TACC2: variants seen among roughly 807,000 people sequenced by gnomAD.
The protein encoded by TACC2 is transforming acidic coiled-coil containing protein 2.
A neutral mutation model predicts 227.3 loss-of-function variants in TACC2; 137 were observed. The observed-to-expected ratio is 0.60, with a 90% CI of 0.52 to 0.69. The LOEUF (loss-of-function observed/expected upper bound fraction) is 0.69, where lower values mean the gene tolerates loss of function less well. TACC2 is among the 30% of genes least tolerant of loss of function. The pLI is 0.00. For missense variants in TACC2, 3,470 were observed against 3,694.4 expected (o/e 0.94, Z 1.57); for synonymous variants, 1,523 against 1,487.5 (o/e 1.02, Z -0.55).
At chr10:122,005,425 G>T (rs1436527706) in intron 1 of TACC2, among the ~76,000 whole-genome samples, 3 of 141,270 alleles carry the variant, frequency 2.1e-5, no homozygotes, top group Admixed American at 7.9e-5. Context: ...CTGTCGCCCA[G>T]GCTGGATGGA....
At chr10:122,227,567 T>C (rs1039170328) in intron 13 of TACC2, among the ~76,000 whole-genome samples, 1 of 152,194 alleles carries the variant, frequency 6.6e-6, no homozygotes, top group East Asian at 1.9e-4. Flanking sequence ...CCAGTCACTT[T>C]CCCAGAGTCC....
chr10:122,133,480 TAC>T (rs2088826206), intron 6 of TACC2, among the ~76,000 whole-genome samples: 1 of 152,142 alleles, frequency 6.6e-6, no homozygotes, highest in African/African-American at 2.4e-5. Flanking sequence ...TGTCTCTCCA[TAC>T]ACACATGTAC....
At chr10:122,017,434 C>G (rs898384185) in intron 1 of TACC2, among the ~76,000 whole-genome samples, 3 of 151,724 alleles carry the variant, frequency 2.0e-5, no homozygotes, top group African/African-American at 7.3e-5. Flanking sequence ...CAGGGCTTTC[C>G]CTGTGTTTTG....
chr10:122,063,339 C>G (rs1398305011), intron 3 of TACC2, among the ~76,000 whole-genome samples: 1 of 152,158 alleles, frequency 6.6e-6, no homozygotes, highest in Non-Finnish European at 1.5e-5. Context: ...TCGGGCAGAG[C>G]GCAGAGCAGC....
intron 5 of TACC2, among the ~76,000 whole-genome samples, chr10:122,115,193 G>T (rs1412782527): frequency 6.6e-6 from 1 of 152,212 alleles, no homozygotes; most frequent in African/African-American, 2.4e-5. Context: ...CACGCCACAA[G>T]AGTAACACAG....
intron 3 of TACC2, among the ~76,000 whole-genome samples, chr10:122,073,740 A>G (rs1446337204): frequency 6.6e-6 from 1 of 151,808 alleles, no homozygotes; most frequent in Non-Finnish European, 1.5e-5. Context: ...CACTTCACCT[A>G]GTGCTTCCCA....
At chr10:122,056,978 G>A (rs572395268) in intron 3 of TACC2, among the ~76,000 whole-genome samples, 1 of 152,302 alleles carries the variant, frequency 6.6e-6, no homozygotes, top group African/African-American at 2.4e-5. Flanking sequence ...GATCATGTGA[G>A]GTCAAGAGTT....
chr10:122,203,555 G>A (rs1453759130), intron 8 of TACC2, among the ~76,000 whole-genome samples: 5 of 145,846 alleles, frequency 3.4e-5, no homozygotes, highest in African/African-American at 2.6e-5. Flanking sequence ...CTCACATCCC[G>A]GATGGGGCGG....
chr10:122,253,950 A>T, intron 22 of TACC2, 41 bp from the exon 23 acceptor site: 4 of 1,586,090 alleles, frequency 2.5e-6, no homozygotes, highest in African/African-American at 2.7e-5. Context: ...GACTGGCCAG[A>T]TTTCAAACAT....
intron 2 of TACC2, among the ~76,000 whole-genome samples, chr10:122,025,352 C>T (rs1287800522): frequency 6.8e-6 from 1 of 147,070 alleles, no homozygotes; most frequent in Non-Finnish European, 1.5e-5. Context: ...CCTCTGCCTC[C>T]CAGGTTCAAG....
chr10:122,022,228 C>T (rs1957420884), intron 2 of TACC2: 1 of 522,032 alleles, frequency 1.9e-6, no homozygotes, highest in Non-Finnish European at 3.4e-6. Flanking sequence ...GCCGGAAACG[C>T]TAATTCTACT....
At chr10:122,166,149 G>C (rs2093150571) in intron 7 of TACC2, among the ~76,000 whole-genome samples, 1 of 152,160 alleles carries the variant, frequency 6.6e-6, no homozygotes, top group Non-Finnish European at 1.5e-5. Flanking sequence ...CACCTGCCGC[G>C]GGGGACAGCT....
intron 3 of TACC2, among the ~76,000 whole-genome samples, chr10:122,058,294 T>C (rs899054343): frequency 7.9e-5 from 12 of 152,164 alleles, no homozygotes; most frequent in Non-Finnish European, 1.3e-4. Context: ...AATTCCAGTC[T>C]CAAACTTCCC....
chr10:121,999,514 G>A (rs1330651610), intron 1 of TACC2, among the ~76,000 whole-genome samples: 1 of 152,238 alleles, frequency 6.6e-6, no homozygotes, highest in Non-Finnish European at 1.5e-5. Flanking sequence ...CGCCACATGT[G>A]TTCCAAGTCT....
chr10:122,135,958 A>G (rs1170836857), intron 6 of TACC2, among the ~76,000 whole-genome samples: 2 of 152,248 alleles, frequency 1.3e-5, no homozygotes, highest in Admixed American at 6.5e-5. Flanking sequence ...GTGCAACAAC[A>G]GGCCTCGGGG....
rs759053524 is a variant in TACC2 at position 122,083,465 on chromosome 10, A to G, written c.965A>G (p.Glu322Gly). 1.2e-6 allele frequency: 2 copies of G among 1,613,320 alleles called. No homozygotes were observed. Among genetic ancestry groups the G allele is most frequent in the Non-Finnish European group, 1.7e-6 (2 of 1,180,020 alleles). ...LPRSNSGAAPEAEVNAASQES... is the reference protein window; with the variant it reads ...LPRSNSGAAPGAEVNAASQES... Reference sequence around the variant, plus strand: ...AGGAGCAATTCAGGGGCTGCCCCAGAAGCAGAAGTGAATGCCGCTTCCCAG... The same window carrying G: ...AGGAGCAATTCAGGGGCTGCCCCAGGAGCAGAAGTGAATGCCGCTTCCCAG... Residue 322 changes from glutamate to glycine, a missense_variant, in exon 4 of 23, where the codon GAA becomes GGA. Coordinates refer to ENST00000369005, the MANE Select transcript of TACC2 (RefSeq NM_206862.4).
intron 7 of TACC2, among the ~76,000 whole-genome samples, chr10:122,189,497 A>G (rs769050627): frequency 2.6e-5 from 4 of 152,140 alleles, no homozygotes; most frequent in Non-Finnish European, 5.9e-5. Flanking sequence ...TTCAAGGGAA[A>G]AAGAGGTGGG....
At chr10:122,128,108 G>T (rs575035924) in intron 5 of TACC2, among the ~76,000 whole-genome samples, 1 of 151,996 alleles carries the variant, frequency 6.6e-6, no homozygotes, top group South Asian at 2.1e-4. Context: ...GCCTGAGAGC[G>T]AGGGACAAGG....
In TACC2 at chr10:122,073,106, C is replaced by CAAA. The variant is rs1164376721; in HGVS notation, c.147-9522_147-9520dup. 5.8e-3 allele frequency among the ~76,000 whole-genome samples: 113 copies of CAAA among 19,402 alleles called. 11 individuals are homozygous for CAAA. Among genetic ancestry groups the CAAA allele is most frequent in the African/African-American group, 9.5e-3 (42 of 4,418 alleles). 12.7% of individuals were successfully genotyped at this position (19,402 alleles called of 152,430 possible). A position where few individuals can be genotyped will look rare whatever the true frequency, so the allele number is the denominator to read the frequency against. The stretch of plus-strand genomic sequence containing the variant: ...CCAGCCTGGGTGACAGACTCTGTCT[C>CAAA]AAAAAAAAAAAAAAAAAAAAATATA... On this transcript the variant is annotated intron_variant, in intron 3 of 22. Transcript: ENST00000369005.
Sources: gnomAD v4.1 joint callset for allele counts (sites outside exome capture counted in the v4.1 genomes callset) on GRCh38, gnomAD v4.1.1 for gene constraint, MANE v1.5 for transcripts, NCBI Gene and HGNC (gene_info 2026-07-23, HGNC 2026-07-21) for gene names.